Variants in RALGPS1 observed in about 807,000 individuals in gnomAD.
The protein encoded by RALGPS1 is ras-specific guanine nucleotide-releasing factor RalGPS1.
RALGPS1 carries 19 observed loss-of-function variants against 78.8 expected under a neutral mutation model. The ratio of observed to expected loss-of-function variants is 0.24; its 90% CI spans 0.17 to 0.35. The LOEUF is 0.35. Among genes scored for constraint, RALGPS1 ranks in the 10% least tolerant of loss-of-function variants. The pLI is 1.00. For missense variants in RALGPS1, 454 were observed against 688.3 expected (o/e 0.66, Z 3.81); for synonymous variants, 228 against 256.3 (o/e 0.89, Z 1.06).
Position 127,022,219 on chromosome 9 carries a change from C to T in RALGPS1, c.217-12212C>T, listed in dbSNP as rs2045523492. Among the ~76,000 whole-genome samples, 5 of 152,048 alleles carry T rather than the reference C, an allele frequency of 3.3e-5. No individual in the cohort carries two copies. The South Asian group carries it at 1.0e-3, about 32-fold the overall frequency. On this transcript the variant is annotated intron_variant, in intron 4 of 18. Coordinates refer to ENST00000259351, the MANE Select transcript of RALGPS1 (RefSeq NM_014636.3). ...CAGGGGTTCTGGGGCCTCGGGAGGC[C>T]CTCATGTTCATTTCTTCCACGGCCC...
At chr9:126,988,852 G>A (rs898737200) in intron 4 of RALGPS1, among the ~76,000 whole-genome samples, 2 of 152,184 alleles carry the variant, frequency 1.3e-5, no homozygotes, top group African/African-American at 2.4e-5. Context: ...CAAGGGGCAA[G>A]GAAGGATGCA....
At chr9:127,035,315 A>G (rs761222259) in intron 5 of RALGPS1, among the ~76,000 whole-genome samples, 6 of 152,162 alleles carry the variant, frequency 3.9e-5, no homozygotes, top group Non-Finnish European at 8.8e-5. Context: ...ACTTGGTCCA[A>G]CAAGAACCTG....
chr9:126,974,200 A>C (rs1213357507), intron 3 of RALGPS1, among the ~76,000 whole-genome samples: 3 of 152,188 alleles, frequency 2.0e-5, no homozygotes, highest in African/African-American at 7.2e-5. Context: ...AAAAATGAAA[A>C]GTTAAAAAAG....
At chr9:126,934,691 C>T (rs528545739) in intron 1 of RALGPS1, among the ~76,000 whole-genome samples, 27 of 152,304 alleles carry the variant, frequency 1.8e-4, no homozygotes, top group African/African-American at 6.5e-4. Flanking sequence ...TCTCTGCCTC[C>T]TCCTTGTGCA....
At chr9:126,956,150 A>T (rs2038313278) in intron 1 of RALGPS1, among the ~76,000 whole-genome samples, 1 of 152,028 alleles carries the variant, frequency 6.6e-6, no homozygotes, top group South Asian at 2.1e-4. Context: ...CTGAGTTCCT[A>T]GGAGAACCAG....
At chr9:126,989,773 A>G in intron 4 of RALGPS1, 4 of 1,387,310 alleles carry the variant, frequency 2.9e-6, no homozygotes, top group East Asian at 2.6e-5. Context: ...GATAAAATAC[A>G]TATTCCTGTG....
At chr9:126,987,667 G>A (rs892758039) in intron 4 of RALGPS1, among the ~76,000 whole-genome samples, 2 of 152,104 alleles carry the variant, frequency 1.3e-5, no homozygotes, top group Non-Finnish European at 2.9e-5. Flanking sequence ...TTTCCTAAGT[G>A]CTCGTGTTTT....
chr9:127,170,076 C>G (rs1344528099), intron 10 of RALGPS1, among the ~76,000 whole-genome samples: 1 of 152,186 alleles, frequency 6.6e-6, no homozygotes, highest in African/African-American at 2.4e-5. Context: ...TATTTTTTAT[C>G]TCTTCCAGTT....
At chr9:127,148,735 C>T (rs2058246342) in intron 8 of RALGPS1, among the ~76,000 whole-genome samples, 1 of 152,198 alleles carries the variant, frequency 6.6e-6, no homozygotes, top group Non-Finnish European at 1.5e-5. Context: ...CTTCCCCAAA[C>T]AAGAGAGTCC....
chr9:127,043,229 A>G (rs4379538), intron 5 of RALGPS1, among the ~76,000 whole-genome samples: 21,205 of 152,240 alleles, frequency 0.14, 4,847 homozygotes, highest in African/African-American at 0.48. Context: ...CTGTAAAGCT[A>G]CAGTTATCAA....
At position 126,924,907 on chromosome 9, in the gene RALGPS1, C is replaced by T. The variant is rs369011866; in HGVS notation, c.-66+9932C>T. Among the ~76,000 whole-genome samples the T allele has an allele frequency of 2.7e-3, 411 of 152,220 alleles. 2 individuals carry two copies. The highest frequency in any genetic ancestry group is 9.3e-3 in the African/African-American group (386 of 41,528). ...TTGGGAGGCCGAGGCGGGTGGATCA[C>T]CTGAGGTCGGGAGTTCAAGACTAGC... On this transcript the variant is annotated intron_variant, in intron 1 of 18. Coordinates refer to ENST00000259351, the MANE Select transcript of RALGPS1 (RefSeq NM_014636.3).
In RALGPS1 at chr9:127,091,786, T is replaced by C; in HGVS notation, c.610+22430T>C. On this transcript the variant is annotated intron_variant, in intron 8 of 18. Transcript: ENST00000259351. The surrounding 1 kb of genome is among the most constrained non-coding windows in gnomAD (Gnocchi z 4.3). ...CAGCCGCAGCTTATAATACTCGCTC[T>C]CAGGTTCCAGGCGGAAACTGGCGTA... The C allele has an allele frequency of 6.2e-7, 1 of 1,614,184 alleles. No homozygotes were observed. Among genetic ancestry groups the C allele is most frequent in the Non-Finnish European group, 8.5e-7 (1 of 1,180,022 alleles).
At chr9:127,061,296 C>T (rs1326071014) in intron 7 of RALGPS1, among the ~76,000 whole-genome samples, 1 of 152,226 alleles carries the variant, frequency 6.6e-6, no homozygotes, top group African/African-American at 2.4e-5. Flanking sequence ...GCAAGAGATG[C>T]TAGAGTTGGC....
intron 8 of RALGPS1, among the ~76,000 whole-genome samples, chr9:127,092,467 G>A (rs1277573886): frequency 6.6e-6 from 1 of 151,878 alleles, no homozygotes; most frequent in African/African-American, 2.4e-5. Flanking sequence ...TTTTTTGCAT[G>A]TGGTTTTGGG....
intron 5 of RALGPS1, among the ~76,000 whole-genome samples, chr9:127,045,456 T>C (rs1589184485): frequency 6.6e-6 from 1 of 152,252 alleles, no homozygotes; most frequent in South Asian, 2.1e-4. Flanking sequence ...GGGTAACAAT[T>C]CTGAAACCAT....
chr9:127,038,583 A>G (rs1247223732), intron 5 of RALGPS1, among the ~76,000 whole-genome samples: 1 of 152,140 alleles, frequency 6.6e-6, no homozygotes, highest in Non-Finnish European at 1.5e-5. Flanking sequence ...AGTTCTATTC[A>G]TTTATGTATT....
chr9:127,188,572 T>C (rs2060815328), intron 11 of RALGPS1, among the ~76,000 whole-genome samples: 1 of 152,126 alleles, frequency 6.6e-6, no homozygotes, highest in Non-Finnish European at 1.5e-5. Flanking sequence ...CTGGTTTATC[T>C]AGGCAGCTGT....
At chr9:127,034,331 C>T (rs1373790531) in intron 4 of RALGPS1, 100 bp from the exon 5 acceptor site, 1 of 1,078,050 alleles carries the variant, frequency 9.3e-7, no homozygotes, top group Non-Finnish European at 1.4e-6. Flanking sequence ...GGTGTCAGCC[C>T]TTTCCCACCT....
intron 8 of RALGPS1, among the ~76,000 whole-genome samples, chr9:127,125,391 A>G (rs1356100473): frequency 6.6e-6 from 1 of 152,186 alleles, no homozygotes; most frequent in African/African-American, 2.4e-5. Context: ...CTCAAAGTCT[A>G]AGGGACCTGT....
Sources: gnomAD v4.1 joint callset for allele counts (sites outside exome capture counted in the v4.1 genomes callset) on GRCh38, gnomAD v4.1.1 for gene constraint, Gnocchi (gnomAD v3.1) non-coding constraint, MANE v1.5 for transcripts, NCBI Gene and HGNC (gene_info 2026-07-23, HGNC 2026-07-21) for gene names.